Variants in TCOF1 observed in about 807,000 individuals in gnomAD.
TCOF1 encodes treacle ribosome biogenesis factor 1, also known as treacle protein.
TCOF1 carries 33 observed loss-of-function variants against 149.0 expected under a neutral mutation model. The ratio of observed to expected loss-of-function variants is 0.22; its 90% CI spans 0.17 to 0.30. The LOEUF (loss-of-function observed/expected upper bound fraction) is 0.30, where lower values mean the gene tolerates loss of function less well. Among genes scored for constraint, TCOF1 ranks in the 10% least tolerant of loss-of-function variants. The probability of loss-of-function intolerance (pLI) is 1.00; values close to 1 mark genes in which losing one functional copy is unlikely to be tolerated. For synonymous variants in TCOF1, 789 were observed against 738.8 expected (o/e 1.07, Z -1.10); for missense variants, 1,728 against 1,840.7 (o/e 0.94, Z 1.12).
intron 2 of TCOF1, 103 bp from the exon 3 acceptor site, chr5:150,364,010 A>G (rs1360464060): frequency 1.9e-5 from 29 of 1,554,642 alleles, no homozygotes; most frequent in East Asian, 1.1e-4. Context: ...TTCTATGCAC[A>G]TTGCCTTTAA....
At chr5:150,386,995 G>T (rs928699103) in intron 17 of TCOF1, among the ~76,000 whole-genome samples, 5 of 152,178 alleles carry the variant, frequency 3.3e-5, no homozygotes, top group Admixed American at 2.6e-4. Context: ...ACCATCCCCA[G>T]CCTCAACAGT....
chr5:150,399,134 C>T, intron 26 of TCOF1, 64 bp downstream of exon 26: 1 of 1,603,536 alleles, frequency 6.2e-7, no homozygotes, highest in South Asian at 1.1e-5. Context: ...CCCCTGTGGT[C>T]CCAGAGAGCC....
chr5:150,375,094 G>A lies in TCOF1; in HGVS notation c.1419G>A (p.Glu473=). 5.6e-6 allele frequency: 9 copies of A among 1,614,170 alleles called. No individual in the cohort carries two copies. Among genetic ancestry groups the A allele is most frequent in the Non-Finnish European group, 7.6e-6 (9 of 1,180,030 alleles). The part of the protein sequence containing the change: ...AAQVQVGKQE[E]DSRSSSEESD... ...AGGTCCAGGTGGGGAAGCAGGAGGA[G>A]GACTCAAGAAGCAGCAGCGAGGAGT... The change falls in exon 10 of 27, where the codon GAG becomes GAA. Residue 473 remains glutamate (E), a synonymous_variant. Coordinates refer to ENST00000643257, the MANE Select transcript of TCOF1 (RefSeq NM_001371623.1).
rs1323150185 is a variant in TCOF1 at position 150,379,659 on chromosome 5, A to G, written c.2786A>G (p.Gln929Arg). The change falls in exon 17 of 27, where the codon CAG becomes CGG. Residue 929 changes from glutamine (Q) to arginine (R), a missense_variant. This residue lies in a region of TCOF1 where 1,696 missense variants were observed against 1,765.4 expected (regional missense o/e 0.96). Coordinates refer to ENST00000643257, the MANE Select transcript of TCOF1 (RefSeq NM_001371623.1). Reference sequence around the variant, plus strand: ...CCTTCGGCTGCCCAGGCAGGGAAGCAGGATGACTCAGGGAGCAGCAGCGAG... The same window carrying G: ...CCTTCGGCTGCCCAGGCAGGGAAGCGGGATGACTCAGGGAGCAGCAGCGAG... ...TGPSAAQAGK[Q>R]DDSGSSSEES... The G allele has an allele frequency of 3.7e-6, 6 of 1,614,092 alleles. 1 individual carries two copies. In the Admixed American group the frequency reaches 1.0e-4, roughly 27 times the overall value.
At chr5:150,385,458 G>T (rs1766083744) in intron 17 of TCOF1, among the ~76,000 whole-genome samples, 1 of 152,160 alleles carries the variant, frequency 6.6e-6, no homozygotes, top group Non-Finnish European at 1.5e-5. Context: ...CTGGGTTGGT[G>T]GGGTGGACCT....
intron 17 of TCOF1, among the ~76,000 whole-genome samples, chr5:150,386,677 C>G (rs1766373535): frequency 6.6e-6 from 1 of 152,238 alleles, no homozygotes; most frequent in African/African-American, 2.4e-5. Context: ...TTCCTGCCCT[C>G]CAGCTCTTCA....
intron 2 of TCOF1, among the ~76,000 whole-genome samples, chr5:150,363,487 A>G (rs1320170633): frequency 6.6e-6 from 1 of 152,216 alleles, no homozygotes; most frequent in African/African-American, 2.4e-5. Flanking sequence ...GCCATGAGCA[A>G]GTCACTTAGT....
Position 150,369,721 on chromosome 5 carries a change from C to T in TCOF1, c.639+119C>T. The T allele has an allele frequency of 3.5e-6, 4 of 1,145,284 alleles. No homozygotes were observed. In the East Asian group the frequency reaches 7.7e-5, roughly 22 times the overall value. The allele number at this position is 1,145,284 out of a possible 1,614,324, so 70.9% of individuals were successfully genotyped here. A position where few individuals can be genotyped will look rare whatever the true frequency, so the allele number is the denominator to read the frequency against. ...AGTTCAGCAACTGTGGTAGGGTGAC[C>T]AGGAGCTGGAAAGGCTGCAGCCGGA... On this transcript the variant is annotated intron_variant, in intron 6 of 26. Coordinates refer to ENST00000643257, the MANE Select transcript of TCOF1 (RefSeq NM_001371623.1).
At chr5:150,363,615 G>A (rs540009078) in intron 2 of TCOF1, among the ~76,000 whole-genome samples, 1 of 152,318 alleles carries the variant, frequency 6.6e-6, no homozygotes, top group Admixed American at 6.5e-5. Context: ...AAAATAACAG[G>A]AGATAGAGAA....
At chr5:150,392,435 A>G in intron 21 of TCOF1, 1 of 608,326 alleles carries the variant, frequency 1.6e-6, no homozygotes, top group East Asian at 2.8e-5. Context: ...CTCCAGGGCC[A>G]TGTTTCTGGA....
At chr5:150,375,591 C>G (rs764553202) in intron 11 of TCOF1, 37 bp downstream of exon 11, 14 of 1,613,486 alleles carry the variant, frequency 8.7e-6, no homozygotes, top group Middle Eastern at 3.3e-4. Context: ...TCTTTTTCCC[C>G]CCCACTCAGA....
Position 150,374,676 on chromosome 5 carries a change from C to T in TCOF1, c.1143C>T (p.Ser381=), listed in dbSNP as rs769604188. The change falls in exon 9 of 27, where the codon TCC becomes TCT. Residue 381 remains serine, a synonymous_variant. Coordinates refer to ENST00000643257, the MANE Select transcript of TCOF1 (RefSeq NM_001371623.1). ...VGAASAPAKE[S]PRKGAAPAPP... ...CTGCCTCAGCCCCTGCCAAGGAGTC[C>T]CCCAGGAAAGGAGCTGCCCCAGCGC... 8.7e-6 allele frequency: 14 copies of T among 1,613,906 alleles called. No individual in the cohort carries two copies. In the East Asian group the frequency reaches 2.5e-4, roughly 28 times the overall value.
chr5:150,357,786 A>C lies in TCOF1; in HGVS notation c.40A>C (p.Ile14Leu), dbSNP rs1289458244. ...GAAGCGGCGGGAGCTACTTCCCCTG[A>C]TCTACCACCATCTGCTGCGGGCTGG... ...ARKRRELLPL[I>L]YHHLLRAGYV... The change falls in exon 1 of 27, where the codon ATC (isoleucine) becomes CTC (leucine). Residue 14 changes from isoleucine to leucine, a missense_variant. Transcript: ENST00000643257. 1 of 1,549,680 alleles carries C rather than the reference A, an allele frequency of 6.5e-7. No homozygotes were observed. The highest frequency in any genetic ancestry group is 8.7e-7 in the Non-Finnish European group (1 of 1,146,554).
Position 150,391,994 on chromosome 5 carries a change from C to T in TCOF1, c.3335C>T (p.Pro1112Leu), listed in dbSNP as rs140440910. The change falls in exon 21 of 27, where the codon CCC (proline) becomes CTC (leucine). Residue 1112 changes from proline (P) to leucine (L), a missense_variant. Pro to Leu is a moderately conservative substitution (Grantham distance 98). Transcript: ENST00000643257. ...GTGGGAACACTCCCTGCAACAAGTCCCCAGAGCACCTCCGTCCAGGCCAAA... is the reference window on the plus strand; with the variant it reads ...GTGGGAACACTCCCTGCAACAAGTCTCCAGAGCACCTCCGTCCAGGCCAAA... ...SAVGTLPATS[P>L]QSTSVQAKGT... 46 of 1,614,062 alleles carry T rather than the reference C, an allele frequency of 2.8e-5. No individual in the cohort carries two copies. The African/African-American group carries it at 4.8e-4, about 17-fold the overall frequency.
intron 14 of TCOF1, among the ~76,000 whole-genome samples, chr5:150,377,183 C>T (rs897228616): frequency 2.6e-5 from 4 of 152,148 alleles, no homozygotes; most frequent in African/African-American, 9.7e-5. Context: ...TTGCCACAGG[C>T]GGCACATTGT....
intron 2 of TCOF1, among the ~76,000 whole-genome samples, chr5:150,363,418 C>G (rs1247851971): frequency 6.6e-6 from 1 of 152,170 alleles, no homozygotes; most frequent in Admixed American, 6.5e-5. Context: ...CGTGAGACTT[C>G]AAAGTCCAGG....
chr5:150,392,637 A>C (rs1767673399), intron 21 of TCOF1, 68 bp from the exon 22 acceptor site: 4 of 1,543,534 alleles, frequency 2.6e-6, no homozygotes, highest in Non-Finnish European at 3.6e-6. Context: ...GGCCTTCCTG[A>C]AGGGCTCTGC....
In TCOF1 at chr5:150,391,544, G is replaced by T; in HGVS notation, c.3184G>T (p.Val1062Leu). ...GAGGGCTACCTCTTGCCACCCACAG[G>T]TGTCAAAGAAGAACCCAGCTTCCCT... Reference protein sequence around the residue: ...GKKQEGPATQVSKKNPASLPL... With the variant: ...GKKQEGPATQLSKKNPASLPL... Residue 1062 changes from valine to leucine, a missense_variant and splice_region_variant, in exon 20 of 27, where the codon GTG (valine) becomes TTG (leucine). Physicochemically the swap from Val to Leu is conservative, Grantham distance 32. This residue lies in a region of TCOF1 where 1,696 missense variants were observed against 1,765.4 expected (regional missense o/e 0.96). Transcript: ENST00000643257. The T allele has an allele frequency of 5.0e-6, 8 of 1,613,946 alleles. No homozygotes were observed. Among genetic ancestry groups the T allele is most frequent in the Non-Finnish European group, 6.8e-6 (8 of 1,179,862 alleles).
At position 150,396,783 on chromosome 5, in the gene TCOF1, T is replaced by C. The variant is rs147059794; in HGVS notation, c.4286T>C (p.Val1429Ala). Residue 1429 changes from valine (V) to alanine (A), a missense_variant, in exon 24 of 27, where the codon GTT (valine) becomes GCT (alanine). Val to Ala is a moderately conservative substitution (Grantham distance 64). Transcript: ENST00000643257. ...GAGCTTCAGAAGGGGATGGGGACGG[T>C]TGAAGGTGGAGATCAAAGCAACCCA... ...EEELQKGMGT[V>A]EGGDQSNPKS... 6 of 1,610,952 alleles carry C rather than the reference T, an allele frequency of 3.7e-6. No individual in the cohort carries two copies. Among genetic ancestry groups the C allele is most frequent in the Non-Finnish European group, 5.1e-6 (6 of 1,179,170 alleles).
Sources: allele counts gnomAD v4.1 joint callset (sites outside exome capture counted in the v4.1 genomes callset), GRCh38; gene constraint gnomAD v4.1.1; regional missense constraint gnomAD v4.1.1; transcripts MANE v1.5; gene names NCBI Gene and HGNC (gene_info 2026-07-23, HGNC 2026-07-21).